Variants in KCNQ5 observed in about 807,000 individuals in gnomAD.
KCNQ5 encodes potassium voltage-gated channel subfamily Q member 5.
KCNQ5 carries 30 observed loss-of-function variants against 98.2 expected under a neutral mutation model. The observed-to-expected ratio is 0.31, with a 90% CI of 0.23 to 0.41. The LOEUF (loss-of-function observed/expected upper bound fraction) is 0.41. KCNQ5 is among the 10% of genes least tolerant of loss of function. KCNQ5 has a pLI of 1.00. For synonymous variants in KCNQ5, 458 were observed against 449.4 expected, an observed-to-expected ratio of 1.02 and a Z score of -0.24; for missense variants, 835 against 1,182.5, an observed-to-expected ratio of 0.71 and a Z score of 4.31.
At chr6:72,875,917 A>G (rs902282863) in intron 1 of KCNQ5, among the ~76,000 whole-genome samples, 4 of 151,956 alleles carry the variant, frequency 2.6e-5, no homozygotes, top group Non-Finnish European at 5.9e-5. Flanking sequence ...ACATTTCTAT[A>G]TTTTTATTAC....
intron 6 of KCNQ5, among the ~76,000 whole-genome samples, chr6:73,108,128 C>G (rs1336165885): frequency 6.6e-6 from 1 of 152,128 alleles, no homozygotes; most frequent in Non-Finnish European, 1.5e-5. Flanking sequence ...ACCCTCAAAG[C>G]AGAAGGGCCA....
At chr6:72,808,614 G>A (rs1236787526) in intron 1 of KCNQ5, among the ~76,000 whole-genome samples, 1 of 152,080 alleles carries the variant, frequency 6.6e-6, no homozygotes, top group African/African-American at 2.4e-5. Flanking sequence ...CTTTCAAGGA[G>A]CCTTTCCCAA....
chr6:72,995,139 C>T (rs969236472), intron 1 of KCNQ5, among the ~76,000 whole-genome samples: 3 of 152,154 alleles, frequency 2.0e-5, no homozygotes, highest in East Asian at 1.9e-4. Context: ...GAAGCCAAGG[C>T]GAGTGGATCA....
At chr6:72,957,068 T>G (rs1767113592) in intron 1 of KCNQ5, among the ~76,000 whole-genome samples, 1 of 151,736 alleles carries the variant, frequency 6.6e-6, no homozygotes, top group Non-Finnish European at 1.5e-5. Flanking sequence ...CAGCCTTGAG[T>G]GCTTCACTTC....
intron 11 of KCNQ5, among the ~76,000 whole-genome samples, chr6:73,174,955 T>C (rs1185138636): frequency 6.6e-6 from 1 of 152,178 alleles, no homozygotes; most frequent in Non-Finnish European, 1.5e-5. Context: ...GTCTTTTCCT[T>C]TCTGAGCTCC....
chr6:73,153,555 C>T (rs1193103081), intron 10 of KCNQ5, among the ~76,000 whole-genome samples: 1 of 152,072 alleles, frequency 6.6e-6, no homozygotes, highest in African/African-American at 2.4e-5. Context: ...AAAAAGTAAT[C>T]AAGTTCAGTC....
chr6:72,771,276 T>C (rs1479421998), intron 1 of KCNQ5, among the ~76,000 whole-genome samples: 1 of 152,170 alleles, frequency 6.6e-6, no homozygotes, highest in African/African-American at 2.4e-5. Context: ...AGGGTATCCA[T>C]TTATTCCAAC....
rs565589965 is a variant in KCNQ5 at position 72,904,603 on chromosome 6, G to T, written c.399-99305G>T. Among the ~76,000 whole-genome samples, 11 of 152,156 alleles carry T rather than the reference G, an allele frequency of 7.2e-5. No individual in the cohort carries two copies. In the East Asian group the frequency reaches 1.9e-3, roughly 27 times the overall value. On this transcript the variant is annotated intron_variant, in intron 1 of 13. Coordinates refer to ENST00000370398, the MANE Select transcript of KCNQ5 (RefSeq NM_019842.4). ...CAGCATTTGTTTTTCTGAAAAAGACGATCTTTCCTTCATATATGAAGCTTA... is the reference window on the plus strand; with the variant it reads ...CAGCATTTGTTTTTCTGAAAAAGACTATCTTTCCTTCATATATGAAGCTTA...
chr6:72,891,769 A>C (rs1299239913), intron 1 of KCNQ5, among the ~76,000 whole-genome samples: 2 of 152,196 alleles, frequency 1.3e-5, no homozygotes, highest in African/African-American at 4.8e-5. Context: ...TTAAAACAAA[A>C]ATATAATCGC....
chr6:72,676,431 A>C (rs1390722595), intron 1 of KCNQ5, among the ~76,000 whole-genome samples: 4 of 152,212 alleles, frequency 2.6e-5, no homozygotes. Context: ...GGGCTGACAC[A>C]GGAGGGAGAA....
At chr6:72,754,901 G>A (rs1357376237) in intron 1 of KCNQ5, among the ~76,000 whole-genome samples, 4 of 151,980 alleles carry the variant, frequency 2.6e-5, no homozygotes, top group African/African-American at 9.6e-5. Context: ...GAAAAGTGTT[G>A]AAATGTCCAA....
chr6:72,732,268 A>G (rs1476532218), intron 1 of KCNQ5, among the ~76,000 whole-genome samples: 1 of 152,128 alleles, frequency 6.6e-6, no homozygotes, highest in African/African-American at 2.4e-5. Context: ...AAGAGGGACT[A>G]CATATTACAG....
intron 1 of KCNQ5, among the ~76,000 whole-genome samples, chr6:72,945,138 G>T (rs1291527869): frequency 6.6e-6 from 1 of 152,126 alleles, no homozygotes; most frequent in African/African-American, 2.4e-5. Context: ...ATAACAATAT[G>T]ATCATTCAAG....
At chr6:72,766,264 C>T (rs994912538) in intron 1 of KCNQ5, among the ~76,000 whole-genome samples, 9 of 151,988 alleles carry the variant, frequency 5.9e-5, no homozygotes, top group South Asian at 4.2e-4. Flanking sequence ...GAGCACAGTT[C>T]GGTAGGAGAC....
intron 1 of KCNQ5, among the ~76,000 whole-genome samples, chr6:72,736,544 G>A (rs1441864086): frequency 7.8e-6 from 1 of 127,624 alleles, no homozygotes; most frequent in East Asian, 2.5e-4. Context: ...CTGTCGCCCA[G>A]GCTGGAGTGC....
intron 1 of KCNQ5, among the ~76,000 whole-genome samples, chr6:72,778,999 G>A (rs1440379138): frequency 6.6e-6 from 1 of 152,192 alleles, no homozygotes; most frequent in Non-Finnish European, 1.5e-5. Flanking sequence ...GTCTTTAGTT[G>A]CAGTAAGGTG....
intron 3 of KCNQ5, among the ~76,000 whole-genome samples, chr6:73,071,720 T>C (rs1773308013): frequency 2.0e-5 from 3 of 152,182 alleles, no homozygotes; most frequent in South Asian, 4.1e-4. Flanking sequence ...GAGCCAGAAC[T>C]CAGTCATTAC....
chr6:72,656,462 A>G (rs572096259), intron 1 of KCNQ5, among the ~76,000 whole-genome samples: 3 of 152,312 alleles, frequency 2.0e-5, no homozygotes, highest in African/African-American at 7.2e-5. Flanking sequence ...TTTCCCACAT[A>G]GTAAAGACAA....
chr6:72,657,182 C>T (rs1766241161), intron 1 of KCNQ5, among the ~76,000 whole-genome samples: 1 of 151,994 alleles, frequency 6.6e-6, no homozygotes, highest in Non-Finnish European at 1.5e-5. Flanking sequence ...TGCACTCCAG[C>T]CTGAATGGCA....
Sources: allele counts gnomAD v4.1 joint callset (sites outside exome capture counted in the v4.1 genomes callset), GRCh38; gene constraint gnomAD v4.1.1; transcripts MANE v1.5; gene names NCBI Gene and HGNC (gene_info 2026-07-23, HGNC 2026-07-21).